The following CTNNAL1 variants were observed in gnomAD, a reference collection of about 807,000 sequenced individuals.
CTNNAL1 encodes the protein catenin alpha like 1.
CTNNAL1 carries 69 observed loss-of-function variants against 93.6 expected under a neutral mutation model. That is an observed-to-expected ratio of 0.74 (90% CI 0.61 to 0.90). The LOEUF (loss-of-function observed/expected upper bound fraction) is 0.90. Among genes scored for constraint, CTNNAL1 ranks in the 40% least tolerant of loss-of-function variants. The probability of loss-of-function intolerance (pLI) is 0.00; values close to 1 mark genes in which losing one functional copy is unlikely to be tolerated. For missense variants in CTNNAL1, 836 were observed against 862.0 expected (o/e 0.97, Z 0.38); for synonymous variants, 286 against 305.4 (o/e 0.94, Z 0.66).
intron 1 of CTNNAL1, among the ~76,000 whole-genome samples, chr9:109,001,999 A>G (rs1826846534): frequency 6.6e-6 from 1 of 152,260 alleles, no homozygotes. Flanking sequence ...TCGGGCAGTG[A>G]AAATTGAAAG....
chr9:108,972,395 G>A (rs1043109152), intron 9 of CTNNAL1, among the ~76,000 whole-genome samples: 1 of 152,094 alleles, frequency 6.6e-6, no homozygotes, highest in Admixed American at 6.5e-5. Context: ...AAGGTCATAC[G>A]ACGTACCTCC....
At chr9:109,010,592 T>G (rs987191610) in intron 1 of CTNNAL1, among the ~76,000 whole-genome samples, 1 of 152,254 alleles carries the variant, frequency 6.6e-6, no homozygotes, top group African/African-American at 2.4e-5. Context: ...TTCTTATCAT[T>G]ATTAGAAGCT....
rs935668202 is a variant in CTNNAL1, at chr9:108,999,132, A to G, written c.266T>C (p.Ile89Thr). Residue 89 changes from isoleucine to threonine, a missense_variant, in exon 2 of 19, where the codon ATA becomes ACA. By Grantham distance (89) the Ile-to-Thr change is moderately conservative. Coordinates refer to ENST00000325551, the MANE Select transcript of CTNNAL1 (RefSeq NM_003798.4). Reference sequence around the variant, plus strand: ...TTTCAAATCCCAGTTTTCATTGGCTATAGCTTCTCCTACTTTAACAAATCT... The same window carrying G: ...TTTCAAATCCCAGTTTTCATTGGCTGTAGCTTCTCCTACTTTAACAAATCT... Reference protein sequence around the residue: ...VGRFVKVGEAIANENWDLKEE... With the variant: ...VGRFVKVGEATANENWDLKEE... 4 of 1,613,670 alleles carry G rather than the reference A, an allele frequency of 2.5e-6. No homozygotes were observed. The highest frequency in any genetic ancestry group is 3.4e-6 in the Non-Finnish European group (4 of 1,179,822).
intron 8 of CTNNAL1, 31 bp from the exon 9 acceptor site, chr9:108,972,864 G>GGGGGCCCCCCCCCC: frequency 7.7e-4 from 109 of 141,858 alleles, no homozygotes; most frequent in Non-Finnish European, 9.9e-4. Context: ...GGGGGGGTGG[G>GGGGGCCCCCCCCCC]AGGGTGGAGA....
At position 108,970,430 on chromosome 9, in the gene CTNNAL1, T is replaced by A. The variant is rs1831079280; in HGVS notation, c.1412A>T (p.Glu471Val). 3.1e-6 allele frequency: 5 copies of A among 1,612,830 alleles called. No homozygotes were observed. The East Asian group carries it at 1.1e-4, about 36-fold the overall frequency. Residue 471 changes from glutamate to valine, a missense_variant, in exon 10 of 19, where the codon GAG becomes GTG. Physicochemically the swap from Glu to Val is moderately radical, Grantham distance 121. Transcript: ENST00000325551. ...TTGGCCAGTCACCTGAAATGTCTCC[T>A]CTGCATGTATACAGGTTATTTCCAG... ...EPLEITCIHAEETFQVTGQQI... is the reference protein window; with the variant it reads ...EPLEITCIHAVETFQVTGQQI...
chr9:109,013,370 C>A lies in CTNNAL1; in HGVS notation c.73G>T (p.Ala25Ser). 6.6e-7 allele frequency: 1 copy of A among 1,513,154 alleles called. No individual in the cohort carries two copies. Among genetic ancestry groups the A allele is most frequent in the South Asian group, 1.2e-5 (1 of 80,210 alleles). The allele number at this position is 1,513,154 out of a possible 1,614,324, so 93.7% of individuals were successfully genotyped here. ...TTGATCTCCAGTCCCGAGTCGAGGG[C>A]GAAGCCCGAAGAGCCGGAGCCGTAG... ...AVYGSGSSGF[A>S]LDSGLEIKTR... Residue 25 changes from alanine (A) to serine (S), a missense_variant, in exon 1 of 19, where the codon GCC (alanine) becomes TCC (serine). Ala to Ser is a moderately conservative substitution (Grantham distance 99, BLOSUM62 1). Coordinates refer to ENST00000325551, the MANE Select transcript of CTNNAL1 (RefSeq NM_003798.4).
intron 14 of CTNNAL1, 77 bp downstream of exon 14, chr9:108,952,132 G>A (rs1830579525): frequency 2.4e-6 from 3 of 1,265,702 alleles, no homozygotes; most frequent in Middle Eastern, 2.0e-4. Context: ...ACCTGTCAAT[G>A]ATTTAACATG....
At chr9:108,973,133 T>C (rs1453149125) in intron 8 of CTNNAL1, among the ~76,000 whole-genome samples, 2 of 152,180 alleles carry the variant, frequency 1.3e-5, no homozygotes, top group African/African-American at 2.4e-5. Context: ...TTCTAGAAGA[T>C]GAACTGGGTA....
At chr9:108,978,302 C>T (rs1460940225) in intron 7 of CTNNAL1, among the ~76,000 whole-genome samples, 1 of 152,214 alleles carries the variant, frequency 6.6e-6, no homozygotes, top group African/African-American at 2.4e-5. Context: ...AGAACATGTG[C>T]ACTACTGTGA....
rs117890796 is a variant in CTNNAL1, at chr9:108,970,144, T to C, written c.1440+258A>G. On this transcript the variant is annotated intron_variant, in intron 10 of 18. Coordinates refer to ENST00000325551, the MANE Select transcript of CTNNAL1 (RefSeq NM_003798.4). ...CTCCAAACATGTTATAACAAGTGCA[T>C]TGTAAACAGCTTCCTTTAAAATAGA... Among the ~76,000 whole-genome samples the C allele has an allele frequency of 1.4e-3, 210 of 152,352 alleles. No homozygotes were observed. In the East Asian group the frequency reaches 0.028, roughly 21 times the overall value.
chr9:108,979,574 A>C (rs368376300), intron 6 of CTNNAL1, 93 bp from the exon 7 acceptor site: 23 of 1,168,458 alleles, frequency 2.0e-5, no homozygotes, highest in South Asian at 1.1e-4. Context: ...CCAGGAAAAC[A>C]CTAGCATTTC....
intron 5 of CTNNAL1, 110 bp from the exon 6 acceptor site, chr9:108,983,425 C>T (rs1358099479): frequency 8.2e-7 from 1 of 1,212,294 alleles, no homozygotes; most frequent in Non-Finnish European, 1.1e-6. Flanking sequence ...ACCAAAATCT[C>T]CTGGGTCCCT....
intron 15 of CTNNAL1, among the ~76,000 whole-genome samples, chr9:108,947,328 T>C (rs531888211): frequency 2.0e-5 from 3 of 152,278 alleles, no homozygotes; most frequent in African/African-American, 7.2e-5. Context: ...TTAGCCAAGA[T>C]GGTCTCGATC....
chr9:108,953,373 G>A (rs1010165954), intron 12 of CTNNAL1, among the ~76,000 whole-genome samples: 1 of 152,208 alleles, frequency 6.6e-6, no homozygotes, highest in African/African-American at 2.4e-5. Flanking sequence ...AGCTCCCATG[G>A]TAGAGGCAGG....
intron 4 of CTNNAL1, among the ~76,000 whole-genome samples, chr9:108,988,103 T>A (rs1406280022): frequency 1.3e-5 from 2 of 152,020 alleles, no homozygotes; most frequent in African/African-American, 4.8e-5. Flanking sequence ...CTTTTCCTTT[T>A]GAGACAGTCT....
chr9:108,987,890 C>G (rs10979641), intron 4 of CTNNAL1, among the ~76,000 whole-genome samples: 13,410 of 152,220 alleles, frequency 0.088, 724 homozygotes, highest in South Asian at 0.26. Context: ...TATCCTGAGG[C>G]TTTGCTGAAG....
rs142555826 is a variant in CTNNAL1 at position 108,952,335 on chromosome 9, A to C, written c.1709T>G (p.Leu570Arg). ...EEQAKIAKLG[L>R]KLGLLTSDAD... ...GTCAGAGGTGAGCAAACCCAGCTTAAGTCCAAGCTTTGCTATCTTGGCTTG... is the reference window on the plus strand; with the variant it reads ...GTCAGAGGTGAGCAAACCCAGCTTACGTCCAAGCTTTGCTATCTTGGCTTG... Residue 570 changes from leucine (L) to arginine (R), a missense_variant, in exon 14 of 19, where the codon CTT becomes CGT. By Grantham distance (102) the Leu-to-Arg change is moderately radical. Transcript: ENST00000325551. 6.2e-7 allele frequency: 1 copy of C among 1,614,064 alleles called. No homozygotes were observed. Among genetic ancestry groups the C allele is most frequent in the African/African-American group, 1.3e-5 (1 of 74,926 alleles).
At chr9:108,958,063 C>CAAAAAAAAA (rs11291554) in intron 11 of CTNNAL1, among the ~76,000 whole-genome samples, 6 of 85,114 alleles carry the variant, frequency 7.0e-5, no homozygotes, top group African/African-American at 1.5e-4. Flanking sequence ...AAGACTGTCT[C>CAAAAAAAAA]AAAAAAAAAA....
At chr9:108,981,968 A>G (rs1353039635) in intron 6 of CTNNAL1, among the ~76,000 whole-genome samples, 1 of 152,172 alleles carries the variant, frequency 6.6e-6, no homozygotes, top group African/African-American at 2.4e-5. Context: ...GTAAAATGGA[A>G]AGAATGCCAT....
Sources: gnomAD v4.1 joint callset for allele counts (sites outside exome capture counted in the v4.1 genomes callset) on GRCh38, gnomAD v4.1.1 for gene constraint, MANE v1.5 for transcripts, NCBI Gene and HGNC (gene_info 2026-07-23, HGNC 2026-07-21) for gene names.